Variants in CDAN1 observed in about 807,000 individuals in gnomAD.
CDAN1 encodes the protein codanin-1.
In CDAN1, 107 loss-of-function variants were observed where a neutral mutation model predicts 139.8. The observed-to-expected ratio is 0.77, with a 90% CI of 0.65 to 0.90. The LOEUF (loss-of-function observed/expected upper bound fraction) is 0.90, where lower values mean the gene tolerates loss of function less well. CDAN1 is among the 40% of genes least tolerant of loss of function. The pLI, the probability that CDAN1 is intolerant of heterozygous loss-of-function variation, is 0.00. For synonymous variants in CDAN1, 776 were observed against 660.6 expected, an observed-to-expected ratio of 1.17 and a Z score of -2.68; for missense variants, 1,667 against 1,575.7, an observed-to-expected ratio of 1.06 and a Z score of -0.98.
At chr15:42,734,396 T>C (rs761136630) in intron 6 of CDAN1, 50 bp from the exon 7 acceptor site, 4 of 1,612,038 alleles carry the variant, frequency 2.5e-6, no homozygotes, top group Non-Finnish European at 3.4e-6. Context: ...AGACTGCAAG[T>C]AGGAAGCAAG....
intron 1 of CDAN1, 29 bp downstream of exon 1, chr15:42,736,984 C>T: frequency 6.5e-7 from 1 of 1,535,794 alleles, no homozygotes; most frequent in Non-Finnish European, 8.8e-7. Flanking sequence ...GGCTTCGAGT[C>T]AGACCTGGGG....
At chr15:42,728,932 A>G in intron 19 of CDAN1, 91 bp downstream of exon 19, 1 of 1,573,244 alleles carries the variant, frequency 6.4e-7, no homozygotes, top group South Asian at 1.1e-5. Context: ...CCCCACACCC[A>G]CCCTCTGGCT....
rs771867489 is a variant in CDAN1, at chr15:42,736,295, G to C, written c.569+7C>G. 1 of 1,613,528 alleles carries C rather than the reference G, an allele frequency of 6.2e-7. No homozygotes were observed. Among genetic ancestry groups the C allele is most frequent in the South Asian group, 1.1e-5 (1 of 91,066 alleles). ...TACCCATCTCCTGCATGAGAGCTGAGTCTCACCCTGTAGGGCCGGGGGGAA... is the reference window on the plus strand; with the variant it reads ...TACCCATCTCCTGCATGAGAGCTGACTCTCACCCTGTAGGGCCGGGGGGAA... On this transcript the variant is annotated splice_region_variant and intron_variant, in intron 2 of 27. Transcript: ENST00000356231.
At chr15:42,728,402 AC>A in intron 20 of CDAN1, 135 bp from the exon 21 acceptor site, 1 of 649,358 alleles carries the variant, frequency 1.5e-6, no homozygotes, top group Non-Finnish European at 2.6e-6. Flanking sequence ...CTCCCGCCCC[AC>A]CCCAGGTGCC....
At chr15:42,730,499 G>C (rs770467902) in intron 14 of CDAN1, 99 bp downstream of exon 14, 7 of 1,385,128 alleles carry the variant, frequency 5.1e-6, no homozygotes, top group Non-Finnish European at 7.1e-6. Context: ...GGCCCCACAC[G>C]CACAGTGCAG....
chr15:42,735,102 A>C lies in CDAN1; in HGVS notation c.1134T>G (p.Phe378Leu). 1 of 1,611,550 alleles carries C rather than the reference A, an allele frequency of 6.2e-7. No individual in the cohort carries two copies. Among genetic ancestry groups the C allele is most frequent in the Non-Finnish European group, 8.5e-7 (1 of 1,177,764 alleles). Reference sequence around the variant, plus strand: ...ATGCCTCAGCCAGGGAAACTCACTGAAAGTGACACTCCAAAACCTGCACTG... The same window carrying C: ...ATGCCTCAGCCAGGGAAACTCACTGCAAGTGACACTCCAAAACCTGCACTG... ...FFAVQVLECH[F>L]QVLSNLDKGT... Residue 378 changes from phenylalanine to leucine, a missense_variant and splice_region_variant, in exon 6 of 28, where the codon TTT becomes TTG. Phe to Leu is a conservative substitution (Grantham distance 22). Around this residue, in one of 3 missense-constraint regions of CDAN1, gnomAD observed 244 missense variants for 309.4 expected, o/e 0.79. Transcript: ENST00000356231.
intron 14 of CDAN1, 139 bp downstream of exon 14, chr15:42,730,459 G>A (rs949493581): frequency 4.9e-5 from 51 of 1,039,158 alleles, no homozygotes; most frequent in East Asian, 2.3e-4. Flanking sequence ...GGAGCCAATC[G>A]TGCCTCTCCC....
rs374593042 is a variant in CDAN1, at chr15:42,729,760, A to G, written c.2352+36T>C. On this transcript the variant is annotated intron_variant, in intron 16 of 27. Coordinates refer to ENST00000356231, the MANE Select transcript of CDAN1 (RefSeq NM_138477.4). ...AGGCAGCCCACTTCCTTTATTCCTG[A>G]GTTTCCCATGGCTCTGGCGGAACCC... 10 of 1,603,062 alleles carry G rather than the reference A, an allele frequency of 6.2e-6. No individual in the cohort carries two copies. The African/African-American group carries it at 1.1e-4, about 17-fold the overall frequency.
At chr15:42,725,790 C>A (rs1450748938) in intron 25 of CDAN1, 120 bp from the exon 26 acceptor site, 2 of 1,033,992 alleles carry the variant, frequency 1.9e-6, no homozygotes, top group South Asian at 1.5e-5. Context: ...CGAGACCAGT[C>A]TGGCCAACAT....
Position 42,734,261 on chromosome 15 carries a change from G to A in CDAN1, c.1222C>T (p.Arg408Cys), listed in dbSNP as rs1213059820. ...CTGCCCTCATAGGCAGCTCGAAGGC[G>A]GCCTTGCAGAGCTGGTGAGAAGCAC... ...LLCFSPALQG[R>C]LRAAYEGSVA... The change falls in exon 7 of 28, where the codon CGC (arginine) becomes TGC (cysteine). Residue 408 changes from arginine to cysteine, a missense_variant. By Grantham distance (180) the Arg-to-Cys change is radical (BLOSUM62 -3). Coordinates refer to ENST00000356231, the MANE Select transcript of CDAN1 (RefSeq NM_138477.4). 18 of 1,614,058 alleles carry A rather than the reference G, an allele frequency of 1.1e-5. No individual in the cohort carries two copies. Among genetic ancestry groups the A allele is most frequent in the East Asian group, 4.5e-5 (2 of 44,884 alleles).
intron 27 of CDAN1, chr15:42,724,868 G>T: frequency 1.6e-6 from 1 of 606,648 alleles, no homozygotes; most frequent in South Asian, 2.0e-5. Flanking sequence ...ACTTCATCTT[G>T]AAATTATTAT....
chr15:42,728,093 C>T, intron 21 of CDAN1, 60 bp from the exon 22 acceptor site: 4 of 1,593,168 alleles, frequency 2.5e-6, no homozygotes, highest in East Asian at 2.2e-5. Context: ...CAAAGGATGC[C>T]AGAGTCGAGC....
chr15:42,730,551 C>T (rs375908714), intron 14 of CDAN1, 47 bp downstream of exon 14: 3 of 1,606,004 alleles, frequency 1.9e-6, no homozygotes, highest in Non-Finnish European at 2.6e-6. Flanking sequence ...TGACCAATGT[C>T]CCGAGTCCCG....
At chr15:42,736,948 G>C (rs2061698838) in intron 1 of CDAN1, 65 bp downstream of exon 1, 1 of 1,501,352 alleles carries the variant, frequency 6.7e-7, no homozygotes, top group East Asian at 2.7e-5. Flanking sequence ...AAGGGGACTG[G>C]AGGGCTGGAC....
rs905412308 is a variant in CDAN1, at chr15:42,728,916, T to G, written c.2646-106A>C. 2.0e-5 allele frequency: 31 copies of G among 1,586,172 alleles called. 1 individual carries two copies. The African/African-American group carries it at 3.8e-4, about 19-fold the overall frequency. ...AATTTGCTTCAAAATGTGTCAGCCA[T>G]TTCAGCCCCACACCCACCCTCTGGC... On this transcript the variant is annotated intron_variant, in intron 19 of 27. Transcript: ENST00000356231.
Position 42,730,909 on chromosome 15 carries a change from T to TC in CDAN1, c.2007+15dup. On this transcript the variant is annotated intron_variant, in intron 13 of 27. Coordinates refer to ENST00000356231, the MANE Select transcript of CDAN1 (RefSeq NM_138477.4). ...CCTCCCTGCTCCCTCCTCACCAGAA[T>TC]CCCCCGCCCATTCACCTGGCTCCTG... 1 of 1,613,780 alleles carries TC rather than the reference T, an allele frequency of 6.2e-7. No homozygotes were observed. Among genetic ancestry groups the TC allele is most frequent in the Non-Finnish European group, 8.5e-7 (1 of 1,179,936 alleles).
intron 25 of CDAN1, among the ~76,000 whole-genome samples, 174 bp from the exon 26 acceptor site, chr15:42,725,844 G>A (rs1050237192): frequency 2.6e-5 from 4 of 152,044 alleles, no homozygotes; most frequent in East Asian, 3.9e-4. Context: ...TTAGCCAGGC[G>A]TGGTGGAAGG....
chr15:42,729,503 G>C, intron 17 of CDAN1, 65 bp downstream of exon 17: 1 of 1,608,196 alleles, frequency 6.2e-7, no homozygotes. Flanking sequence ...CTGGGCCAAG[G>C]GGGTGCCTTT....
In CDAN1 at chr15:42,735,669, GC is replaced by G. The variant is rs1159897565; in HGVS notation, c.783del (p.Gln261HisfsTer45). On this transcript the variant is annotated frameshift_variant, in exon 4 of 28. Transcript: ENST00000356231. LOFTEE classifies it high-confidence loss of function. Reference protein sequence around the residue: ...REMLRKERSKQLQQSPTPTCP... With the variant: ...REMLRKERSKXLQQSPTPTCP... ...CAGGTGGGGGTAGGTGACTGCTGCAGCTGCTTAGAGCTATGGAATAAAGAAA... is the reference window on the plus strand; with the variant it reads ...CAGGTGGGGGTAGGTGACTGCTGCAGTGCTTAGAGCTATGGAATAAAGAAA... 1.2e-6 allele frequency: 2 copies of G among 1,614,040 alleles called. No homozygotes were observed. The highest frequency in any genetic ancestry group is 1.7e-6 in the Non-Finnish European group (2 of 1,180,012).
Sources: gnomAD v4.1 joint callset for allele counts (sites outside exome capture counted in the v4.1 genomes callset) on GRCh38, gnomAD v4.1.1 for gene constraint, gnomAD v4.1.1 regional missense constraint, MANE v1.5 for transcripts, NCBI Gene and HGNC (gene_info 2026-07-23, HGNC 2026-07-21) for gene names.